Variants in CFAP95 observed in about 807,000 individuals in gnomAD.
CFAP95 encodes the protein cilia- and flagella-associated protein 95.
At chr9:69,836,740 A>G in the CFAP95 span, among the ~76,000 whole-genome samples, 18 of 57,066 alleles carry the variant, frequency 3.2e-4, no homozygotes, top group East Asian at 1.8e-3. Flanking sequence ...TTTATTTTTT[A>G]TTATTATACT....
At chr9:69,895,361 CTCTCTCTCTGTGTGTGTG>C in the CFAP95 span, among the ~76,000 whole-genome samples, 1 of 91,712 alleles carries the variant, frequency 1.1e-5, no homozygotes, top group African/African-American at 3.8e-5. Context: ...CTCTCTCTCT[CTCTCTCTCTGTGTGTGTG>C]TGTGTGTGTG....
the CFAP95 span, among the ~76,000 whole-genome samples, chr9:69,885,480 C>T: frequency 6.6e-6 from 1 of 152,264 alleles, no homozygotes; most frequent in South Asian, 2.1e-4. Context: ...CAGCTCTCTG[C>T]CTCCTGTGAA....
At chr9:69,875,292 T>C in the CFAP95 span, among the ~76,000 whole-genome samples, 1 of 152,176 alleles carries the variant, frequency 6.6e-6, no homozygotes, top group African/African-American at 2.4e-5. Context: ...CATCATTCAA[T>C]ATTATAAAAG....
the CFAP95 span, among the ~76,000 whole-genome samples, chr9:69,853,592 A>G: frequency 5.9e-5 from 9 of 152,330 alleles, no homozygotes; most frequent in East Asian, 1.7e-3. Context: ...AAGACTTTTA[A>G]ACATATGGAA....
the CFAP95 span, among the ~76,000 whole-genome samples, chr9:69,862,833 C>T: frequency 1.3e-5 from 2 of 152,066 alleles, no homozygotes; most frequent in Admixed American, 6.6e-5. Flanking sequence ...TATTTTGGAC[C>T]AATGTGAAGA....
At chr9:69,893,070 C>T in the CFAP95 span, among the ~76,000 whole-genome samples, 1 of 152,222 alleles carries the variant, frequency 6.6e-6, no homozygotes. Flanking sequence ...CTGTTAAACA[C>T]TTAGCCATCT....
the CFAP95 span, among the ~76,000 whole-genome samples, chr9:69,901,381 C>G: frequency 2.6e-5 from 4 of 152,274 alleles, no homozygotes; most frequent in East Asian, 7.7e-4. Context: ...TCGTGATCCA[C>G]CTGCCTCGGC....
the CFAP95 span, among the ~76,000 whole-genome samples, chr9:69,894,056 A>G: frequency 6.6e-6 from 1 of 152,206 alleles, no homozygotes; most frequent in Admixed American, 6.5e-5. Context: ...CTAGTTAACC[A>G]TGGAAACAGG....
the CFAP95 span, among the ~76,000 whole-genome samples, chr9:69,841,196 A>ATATATATATATATATATATT: frequency 7.7e-6 from 1 of 129,090 alleles, no homozygotes; most frequent in Non-Finnish European, 1.6e-5. Context: ...ATATATATAT[A>ATATATATATATATATATATT]TTTCTGATTT....
At chr9:69,891,063 C>T in the CFAP95 span, among the ~76,000 whole-genome samples, 6 of 152,210 alleles carry the variant, frequency 3.9e-5, no homozygotes, top group East Asian at 1.9e-4. Flanking sequence ...ACCAGAACAG[C>T]GGAAAAGTTG....
the CFAP95 span, among the ~76,000 whole-genome samples, chr9:69,873,318 T>C: frequency 6.6e-6 from 1 of 152,128 alleles, no homozygotes; most frequent in African/African-American, 2.4e-5. Context: ...AAAATAAGCC[T>C]GGCATTCAGC....
At chr9:69,839,086 A>C in the CFAP95 span, among the ~76,000 whole-genome samples, 1 of 33,906 alleles carries the variant, frequency 2.9e-5, no homozygotes. Flanking sequence ...GATGAAGCCC[A>C]CTTGATCATG....
chr9:69,905,555 T>TA, the CFAP95 span, among the ~76,000 whole-genome samples: 1 of 152,212 alleles, frequency 6.6e-6, no homozygotes, highest in Non-Finnish European at 1.5e-5. Flanking sequence ...TTATTAAAGA[T>TA]ATAACCCAAG....
chr9:69,847,394 A>G, the CFAP95 span, among the ~76,000 whole-genome samples: 146 of 152,338 alleles, frequency 9.6e-4, no homozygotes, highest in Non-Finnish European at 1.9e-3. Flanking sequence ...TCAAACAGCT[A>G]GAAAGTGTAT....
At chr9:69,821,993 A>T in the CFAP95 span, among the ~76,000 whole-genome samples, 1 of 152,140 alleles carries the variant, frequency 6.6e-6, no homozygotes, top group Non-Finnish European at 1.5e-5. Flanking sequence ...TGTGCTTTAG[A>T]ACTTGACCTG....
chr9:69,900,384 G>A, the CFAP95 span, among the ~76,000 whole-genome samples: 1 of 152,320 alleles, frequency 6.6e-6, no homozygotes, highest in Middle Eastern at 3.4e-3. Flanking sequence ...GCATCCTGAT[G>A]CCAGAAGGGA....
the CFAP95 span, among the ~76,000 whole-genome samples, chr9:69,843,529 TCCTCCTCCTCCTCCTCCTCCTCCTCCTC>T: frequency 2.6e-4 from 5 of 19,382 alleles, no homozygotes; most frequent in African/African-American, 9.8e-4. Context: ...CTCCTCCTCC[TCCTCCTCCTCCTCCTCCTCCTCCTCCTC>T]CTTCTTCTTC....
chr9:69,851,304 T>C, the CFAP95 span, among the ~76,000 whole-genome samples: 1 of 152,320 alleles, frequency 6.6e-6, no homozygotes, highest in African/African-American at 2.4e-5. Flanking sequence ...GTTCTTCCTT[T>C]ATGCTTGGAC....
At chr9:69,857,911 T>A in the CFAP95 span, 2 of 1,613,796 alleles carry the variant, frequency 1.2e-6, no homozygotes, top group Non-Finnish European at 8.5e-7. Context: ...TGTTTTAGGG[T>A]CACCGGATTG....
Sources: gnomAD v4.1 joint callset for allele counts (sites outside exome capture counted in the v4.1 genomes callset) on GRCh38, gnomAD v4.1.1 for gene constraint, MANE v1.5 for transcripts, NCBI Gene and HGNC (gene_info 2026-07-23, HGNC 2026-07-21) for gene names.